GABRA2: variants seen among roughly 807,000 people sequenced by gnomAD.
GABRA2 encodes the protein gamma-aminobutyric acid type A receptor subunit alpha2.
Under a neutral mutation model 48.7 loss-of-function variants are expected in GABRA2, and 16 were observed. That is an observed-to-expected ratio of 0.33 (90% CI 0.22 to 0.50). The LOEUF is 0.50. Ranked by LOEUF, GABRA2 falls within the 20% of genes least tolerant of loss-of-function variation. The pLI, the probability that GABRA2 is intolerant of heterozygous loss-of-function variation, is 0.98. For synonymous variants in GABRA2, 185 were observed against 184.5 expected (o/e 1.00, Z -0.02); for missense variants, 275 against 535.6 (o/e 0.51, Z 4.80).
chr4:46,292,246 G>A (rs1478874046), intron 8 of GABRA2, among the ~76,000 whole-genome samples: 3 of 152,202 alleles, frequency 2.0e-5, no homozygotes, highest in Non-Finnish European at 4.4e-5. Context: ...TTCACAAGCA[G>A]ATACTGAGCC....
intron 4 of GABRA2, among the ~76,000 whole-genome samples, chr4:46,317,091 A>G (rs1026438765): frequency 6.6e-6 from 1 of 151,956 alleles, no homozygotes. Flanking sequence ...CCAGTATTTC[A>G]TCATTGCAAC....
At chr4:46,341,507 C>T (rs1733235053) in intron 3 of GABRA2, among the ~76,000 whole-genome samples, 1 of 151,976 alleles carries the variant, frequency 6.6e-6, no homozygotes, top group Non-Finnish European at 1.5e-5. Context: ...TTGTCTTTTG[C>T]AGCCATTGAA....
intron 3 of GABRA2, among the ~76,000 whole-genome samples, chr4:46,347,212 T>C (rs1167404651): frequency 1.3e-5 from 2 of 151,968 alleles, no homozygotes; most frequent in African/African-American, 2.4e-5. Context: ...AAATTTCTAA[T>C]GTTGTTCTTC....
At chr4:46,290,863 T>C (rs893474332) in intron 8 of GABRA2, among the ~76,000 whole-genome samples, 1 of 152,172 alleles carries the variant, frequency 6.6e-6, no homozygotes, top group African/African-American at 2.4e-5. Flanking sequence ...TTATTCCTTT[T>C]GAAATATTAC....
chr4:46,261,533 C>T lies in GABRA2; in HGVS notation c.1059+393G>A, dbSNP rs1026666963. On this transcript the variant is annotated intron_variant, in intron 9 of 9. Transcript: ENST00000381620. ...GAACTTAACAGTCAGACAGGTAGAT[C>T]GGAGTTCAAGTATACTTACTAACAA... The T allele has an allele frequency of 3.1e-5, 8 of 256,226 alleles. No individual in the cohort carries two copies. The East Asian group carries it at 3.8e-4, about 12-fold the overall frequency. The allele number at this position is 256,226 out of a possible 1,614,324, so 15.9% of individuals were successfully genotyped here. A position where few individuals can be genotyped will look rare whatever the true frequency, so the allele number is the denominator to read the frequency against.
chr4:46,334,333 A>T (rs1021532449), intron 3 of GABRA2, among the ~76,000 whole-genome samples: 3 of 152,168 alleles, frequency 2.0e-5, no homozygotes, highest in Admixed American at 1.3e-4. Flanking sequence ...ATTTATATAT[A>T]CTAGAAAGCA....
intron 7 of GABRA2, among the ~76,000 whole-genome samples, 199 bp downstream of exon 7, chr4:46,305,369 T>G (rs954624755): frequency 4.6e-5 from 7 of 150,640 alleles, no homozygotes; most frequent in Non-Finnish European, 1.0e-4. Context: ...CATATGTAAC[T>G]AACCTGCGCA....
At chr4:46,323,073 T>A (rs1578046957) in intron 4 of GABRA2, among the ~76,000 whole-genome samples, 1 of 151,894 alleles carries the variant, frequency 6.6e-6, no homozygotes, top group Non-Finnish European at 1.5e-5. Flanking sequence ...GTATAATAAT[T>A]ATATTTTAAA....
chr4:46,385,547 A>G (rs1276363874), intron 3 of GABRA2, among the ~76,000 whole-genome samples: 2 of 152,096 alleles, frequency 1.3e-5, no homozygotes, highest in Non-Finnish European at 2.9e-5. Flanking sequence ...AATGTCTTTG[A>G]AAGTTTCAAG....
chr4:46,339,564 A>T (rs984715132), intron 3 of GABRA2, among the ~76,000 whole-genome samples: 1 of 151,904 alleles, frequency 6.6e-6, no homozygotes, highest in Non-Finnish European at 1.5e-5. Flanking sequence ...TTATAGCCTA[A>T]CAAAGAGAGA....
intron 8 of GABRA2, among the ~76,000 whole-genome samples, chr4:46,296,675 A>G (rs550342159): frequency 6.6e-6 from 1 of 151,896 alleles, no homozygotes; most frequent in East Asian, 1.9e-4. Flanking sequence ...AAAGAAAAAA[A>G]AAAACCTGCT....
At chr4:46,308,939 T>C (rs947785908) in intron 6 of GABRA2, among the ~76,000 whole-genome samples, 4 of 152,184 alleles carry the variant, frequency 2.6e-5, no homozygotes, top group Non-Finnish European at 5.9e-5. Context: ...ATCAAGGCTT[T>C]TCAATTTTTT....
At chr4:46,282,447 G>T (rs980527900) in intron 8 of GABRA2, among the ~76,000 whole-genome samples, 3 of 152,074 alleles carry the variant, frequency 2.0e-5, no homozygotes. Flanking sequence ...TTAACAGACA[G>T]GTATAAGACA....
chr4:46,273,502 C>CATAT (rs71637683), intron 8 of GABRA2, among the ~76,000 whole-genome samples: 2,427 of 47,238 alleles, frequency 0.051, 39 homozygotes, highest in Admixed American at 0.091. Flanking sequence ...TATATATATG[C>CATAT]ATATATATAT....
At position 46,274,835 on chromosome 4, in the gene GABRA2, G is replaced by C. The variant is rs981302783; in HGVS notation, c.857-12707C>G. Among the ~76,000 whole-genome samples, 5 of 152,086 alleles carry C rather than the reference G, an allele frequency of 3.3e-5. 1 individual carries two copies. The highest frequency in any genetic ancestry group is 3.3e-4 in the Admixed American group (5 of 15,262). On this transcript the variant is annotated intron_variant, in intron 8 of 9. Transcript: ENST00000381620. ...AATCTGTCAAGTAGAGAATCCTATA[G>C]CTTCCCTGTTATTTCTAATTGGGGG...
chr4:46,316,969 C>T (rs985790315), intron 4 of GABRA2, among the ~76,000 whole-genome samples: 8 of 151,840 alleles, frequency 5.3e-5, no homozygotes, highest in African/African-American at 1.9e-4. Flanking sequence ...AAGCAATTTA[C>T]ATAGTTAAAT....
At chr4:46,302,032 A>G (rs1202387776) in intron 8 of GABRA2, among the ~76,000 whole-genome samples, 1 of 152,050 alleles carries the variant, frequency 6.6e-6, no homozygotes, top group Non-Finnish European at 1.5e-5. Context: ...TTATTAAATA[A>G]ACTCATGGAA....
At chr4:46,324,805 G>A (rs1281490317) in intron 4 of GABRA2, among the ~76,000 whole-genome samples, 1 of 151,502 alleles carries the variant, frequency 6.6e-6, no homozygotes, top group African/African-American at 2.4e-5. Flanking sequence ...ACTTACAAGT[G>A]AAAACATGTC....
At chr4:46,326,852 C>T (rs1468576743) in intron 4 of GABRA2, among the ~76,000 whole-genome samples, 1 of 151,896 alleles carries the variant, frequency 6.6e-6, no homozygotes, top group African/African-American at 2.4e-5. Context: ...ATGTTCATCC[C>T]CGAGCAACAG....
Sources: gnomAD v4.1 joint callset for allele counts (sites outside exome capture counted in the v4.1 genomes callset) on GRCh38, gnomAD v4.1.1 for gene constraint, MANE v1.5 for transcripts, NCBI Gene and HGNC (gene_info 2026-07-23, HGNC 2026-07-21) for gene names.